Variants in TMEM132D observed in about 807,000 individuals in gnomAD.
The protein encoded by TMEM132D is mature OL transmembrane protein.
Under a neutral mutation model 62.3 loss-of-function variants are expected in TMEM132D, and 21 were observed. The observed-to-expected ratio is 0.34, with a 90% CI of 0.24 to 0.49. TMEM132D has a LOEUF of 0.49. Ranked by LOEUF, TMEM132D falls within the 20% of genes least tolerant of loss-of-function variation. The pLI is 0.99. For missense variants in TMEM132D, 1,346 were observed against 1,402.8 expected (o/e 0.96, Z 0.65); for synonymous variants, 621 against 575.6 (o/e 1.08, Z -1.13).
intron 2 of TMEM132D, among the ~76,000 whole-genome samples, chr12:129,552,830 C>T (rs1361291878): frequency 6.6e-6 from 1 of 152,106 alleles, no homozygotes; most frequent in African/African-American, 2.4e-5. Flanking sequence ...GGTTTATATC[C>T]ATTATCTATT....
intron 4 of TMEM132D, among the ~76,000 whole-genome samples, chr12:129,321,643 A>G (rs553580209): frequency 6.4e-4 from 97 of 150,492 alleles, no homozygotes; most frequent in South Asian, 1.3e-3. Context: ...TGCAAGCTCC[A>G]CCTCCCAGGT....
intron 5 of TMEM132D, among the ~76,000 whole-genome samples, chr12:129,179,973 A>G (rs1293828828): frequency 1.3e-5 from 2 of 151,958 alleles, no homozygotes; most frequent in African/African-American, 4.8e-5. Context: ...GGTTCCTGGG[A>G]GCCAAGCTCG....
intron 3 of TMEM132D, among the ~76,000 whole-genome samples, chr12:129,424,672 C>CA (rs1872438230): frequency 8.2e-6 from 1 of 121,546 alleles, no homozygotes; most frequent in Admixed American, 1.0e-4. Flanking sequence ...CACGCCACTA[C>CA]ACTCCAGCCT....
At chr12:129,874,257 G>A (rs780944654) in intron 1 of TMEM132D, among the ~76,000 whole-genome samples, 17 of 151,942 alleles carry the variant, frequency 1.1e-4, no homozygotes, top group African/African-American at 2.2e-4. Context: ...ACATGATGAC[G>A]TACACCATAA....
At chr12:129,174,042 G>A (rs1310644230) in intron 5 of TMEM132D, among the ~76,000 whole-genome samples, 1 of 152,102 alleles carries the variant, frequency 6.6e-6, no homozygotes, top group Non-Finnish European at 1.5e-5. Context: ...ACGTAGCCTG[G>A]TTACATAAAT....
rs1877297119 is a variant in TMEM132D at position 129,158,112 on chromosome 12, A to C, written c.1443+51408T>G. 5.3e-5 allele frequency among the ~76,000 whole-genome samples: 8 copies of C among 152,222 alleles called. No homozygotes were observed. The South Asian group carries it at 1.7e-3, about 32-fold the overall frequency. The stretch of plus-strand genomic sequence containing the variant: ...TTGGGAAGGGTACCATTCAGAGACC[A>C]AAAAGTTACGTAGGGAGTTGTAGAA... On this transcript the variant is annotated intron_variant, in intron 5 of 8. Transcript: ENST00000422113.
At chr12:129,262,713 C>T (rs1880583072) in intron 4 of TMEM132D, 1 of 152,156 alleles carries the variant, frequency 6.6e-6, no homozygotes. Context: ...CTAGAGTCTC[C>T]AGTTTGTAAT....
chr12:129,088,007 C>CATGACCGGGGTGTCCTCT (rs1874699397), intron 5 of TMEM132D, among the ~76,000 whole-genome samples: 1 of 96,640 alleles, frequency 1.0e-5, no homozygotes, highest in African/African-American at 4.2e-5. Context: ...GGGTGTCCTC[C>CATGACCGGGGTGTCCTCT]ATGACCGGGT....
chr12:129,445,023 A>T (rs997543866), intron 3 of TMEM132D, among the ~76,000 whole-genome samples: 2 of 152,232 alleles, frequency 1.3e-5, no homozygotes, highest in Non-Finnish European at 2.9e-5. Flanking sequence ...ATAATGACTC[A>T]TGCACATGAA....
intron 4 of TMEM132D, among the ~76,000 whole-genome samples, chr12:129,266,634 G>T (rs946057633): frequency 7.7e-6 from 1 of 130,070 alleles, no homozygotes; most frequent in African/African-American, 3.0e-5. Context: ...CTCTCTCTGT[G>T]CCCTCTCACC....
chr12:129,239,130 C>T (rs1004731933), intron 4 of TMEM132D, among the ~76,000 whole-genome samples: 2 of 151,590 alleles, frequency 1.3e-5, no homozygotes, highest in Admixed American at 6.6e-5. Context: ...CCCATTTGCA[C>T]ATCTTCTTTG....
chr12:129,408,136 T>G (rs1871852054), intron 3 of TMEM132D, among the ~76,000 whole-genome samples: 1 of 152,106 alleles, frequency 6.6e-6, no homozygotes, highest in African/African-American at 2.4e-5. Context: ...TGACATGCAT[T>G]AGCCTTTAAC....
chr12:129,219,094 T>A (rs1879286181), intron 4 of TMEM132D, among the ~76,000 whole-genome samples: 1 of 151,930 alleles, frequency 6.6e-6, no homozygotes, highest in South Asian at 2.1e-4. Flanking sequence ...TGCCTGGAGG[T>A]GGGGCCAGCT....
intron 5 of TMEM132D, among the ~76,000 whole-genome samples, chr12:129,105,807 A>G (rs981511850): frequency 4.6e-5 from 7 of 151,422 alleles, no homozygotes; most frequent in Non-Finnish European, 1.0e-4. Context: ...GAACAGTTTT[A>G]CACTGTTGGT....
At position 129,368,454 on chromosome 12, in the gene TMEM132D, C is replaced by T. The variant is rs568528677; in HGVS notation, c.1116-30637G>A. ...TCTGTTCATTTGTTTAATTTAAATA[C>T]CTATTTGCATATTGGCTTCTTTTAG... On this transcript the variant is annotated intron_variant, in intron 3 of 8. Transcript: ENST00000422113. 5.9e-5 allele frequency among the ~76,000 whole-genome samples: 9 copies of T among 152,270 alleles called. No individual in the cohort carries two copies. The East Asian group carries it at 1.5e-3, about 26-fold the overall frequency.
At chr12:129,263,640 G>A (rs1160214025) in intron 4 of TMEM132D, among the ~76,000 whole-genome samples, 1 of 152,094 alleles carries the variant, frequency 6.6e-6, no homozygotes, top group African/African-American at 2.4e-5. Flanking sequence ...TAGAGAGGGA[G>A]GGAGGAAGGG....
At chr12:129,504,500 A>G (rs1875269849) in intron 3 of TMEM132D, among the ~76,000 whole-genome samples, 1 of 152,160 alleles carries the variant, frequency 6.6e-6, no homozygotes, top group Non-Finnish European at 1.5e-5. Context: ...GAATTTATCC[A>G]TCTCCTCTGC....
At chr12:129,707,693 A>G (rs76182607) in intron 1 of TMEM132D, among the ~76,000 whole-genome samples, 2,544 of 152,258 alleles carry the variant, frequency 0.017, 104 homozygotes, top group East Asian at 0.13. Context: ...ACATTTGGAG[A>G]CCATGAAGGT....
chr12:129,439,008 T>C (rs976979193), intron 3 of TMEM132D, among the ~76,000 whole-genome samples: 2 of 152,336 alleles, frequency 1.3e-5, no homozygotes, highest in South Asian at 4.1e-4. Context: ...GATCTTCTCA[T>C]TCTAAGCCTC....
Sources: allele counts gnomAD v4.1 joint callset (sites outside exome capture counted in the v4.1 genomes callset), GRCh38; gene constraint gnomAD v4.1.1; transcripts MANE v1.5; gene names NCBI Gene and HGNC (gene_info 2026-07-23, HGNC 2026-07-21).